Variants in GRID2 observed in about 807,000 individuals in gnomAD.
GRID2 encodes glutamate ionotropic receptor delta type subunit 2.
Under a neutral mutation model 114.8 loss-of-function variants are expected in GRID2, and 33 were observed. The ratio of observed to expected loss-of-function variants is 0.29; its 90% CI spans 0.22 to 0.38. The LOEUF (loss-of-function observed/expected upper bound fraction) is 0.38. Ranked by LOEUF, GRID2 falls within the 10% of genes least tolerant of loss-of-function variation. The pLI, the probability that GRID2 is intolerant of heterozygous loss-of-function variation, is 1.00. For missense variants in GRID2, 1,184 were observed against 1,257.7 expected (o/e 0.94, Z 0.89); for synonymous variants, 505 against 449.9 (o/e 1.12, Z -1.55).
chr4:93,485,882 A>G (rs1010174819), intron 11 of GRID2, among the ~76,000 whole-genome samples: 2 of 151,774 alleles, frequency 1.3e-5, no homozygotes, highest in Non-Finnish European at 1.5e-5. Flanking sequence ...TTACTTGTGC[A>G]CACACACATA....
chr4:93,096,487 T>C (rs1731241081), intron 3 of GRID2, among the ~76,000 whole-genome samples: 1 of 152,030 alleles, frequency 6.6e-6, no homozygotes, highest in African/African-American at 2.4e-5. Flanking sequence ...AGAATACACA[T>C]ATTTAAAAAC....
intron 2 of GRID2, among the ~76,000 whole-genome samples, chr4:92,674,562 G>T (rs945154926): frequency 1.3e-5 from 2 of 151,864 alleles, no homozygotes; most frequent in Non-Finnish European, 2.9e-5. Context: ...TTGCTCTGTT[G>T]CCCAGGCTGG....
chr4:92,745,235 T>C (rs1181841520), intron 2 of GRID2, among the ~76,000 whole-genome samples: 2 of 152,228 alleles, frequency 1.3e-5, no homozygotes, highest in African/African-American at 4.8e-5. Flanking sequence ...AGTTAAGTGA[T>C]ACTTCTTATT....
intron 8 of GRID2, among the ~76,000 whole-genome samples, chr4:93,340,457 T>A (rs1433665): frequency 0.2 from 30,313 of 151,982 alleles, 6,119 homozygotes; most frequent in African/African-American, 0.52. Context: ...AATCTTACCT[T>A]TAGGGAGCCA....
chr4:93,206,721 C>T (rs1308712257), intron 4 of GRID2, among the ~76,000 whole-genome samples: 2 of 151,712 alleles, frequency 1.3e-5, no homozygotes, highest in Admixed American at 6.6e-5. Context: ...AGAGTGCTAC[C>T]CATATATTTT....
At chr4:92,739,489 C>T (rs754302243) in intron 2 of GRID2, among the ~76,000 whole-genome samples, 2 of 151,638 alleles carry the variant, frequency 1.3e-5, no homozygotes, top group African/African-American at 2.4e-5. Context: ...TCTTTGAAAA[C>T]TTTTACCATT....
intron 2 of GRID2, among the ~76,000 whole-genome samples, chr4:93,016,484 A>G (rs1578758657): frequency 6.6e-6 from 1 of 152,164 alleles, no homozygotes; most frequent in South Asian, 2.1e-4. Context: ...GTTCTGGGCC[A>G]TGAATTTGAC....
intron 13 of GRID2, among the ~76,000 whole-genome samples, chr4:93,563,787 A>T (rs967381219): frequency 5.9e-5 from 9 of 151,994 alleles, no homozygotes; most frequent in African/African-American, 2.2e-4. Context: ...ATGTGCCATG[A>T]AGAAAAGTTT....
chr4:93,700,809 G>A (rs1321675574), intron 14 of GRID2, among the ~76,000 whole-genome samples: 3 of 152,126 alleles, frequency 2.0e-5, no homozygotes, highest in Non-Finnish European at 4.4e-5. Context: ...GGGTAGGAAG[G>A]GTGGTTTGGA....
rs1227049567 is a variant in GRID2 at position 93,773,929 on chromosome 4, T to A, written c.*1431T>A. ...CCTTTTAAAGTAGCATTCTTACTTG[T>A]TAGAAATGTAGAATGAACTTTGTTT... On this transcript the variant is annotated 3_prime_UTR_variant, in exon 16 of 16. Coordinates refer to ENST00000282020, the MANE Select transcript of GRID2 (RefSeq NM_001510.4). 1 of 152,100 alleles carries A rather than the reference T, an allele frequency of 6.6e-6. No homozygotes were observed. Among genetic ancestry groups the A allele is most frequent in the African/African-American group, 2.4e-5 (1 of 41,452 alleles). The allele number at this position is 152,100 out of a possible 1,614,324, so 9.4% of individuals were successfully genotyped here. A position where few individuals can be genotyped will look rare whatever the true frequency, so the allele number is the denominator to read the frequency against.
intron 13 of GRID2, among the ~76,000 whole-genome samples, chr4:93,619,895 A>G (rs1455630575): frequency 6.6e-6 from 1 of 152,192 alleles, no homozygotes; most frequent in Non-Finnish European, 1.5e-5. Context: ...CAAACTCCAT[A>G]GGCTATACCT....
At chr4:93,604,868 A>G (rs1046756692) in intron 13 of GRID2, among the ~76,000 whole-genome samples, 2 of 152,242 alleles carry the variant, frequency 1.3e-5, no homozygotes, top group Admixed American at 6.5e-5. Context: ...TATAAACATG[A>G]TGCCATTGCA....
chr4:92,453,035 G>A (rs1421846423), intron 1 of GRID2, among the ~76,000 whole-genome samples: 1 of 151,720 alleles, frequency 6.6e-6, no homozygotes, highest in African/African-American at 2.4e-5. Context: ...TTATGAATAT[G>A]TGGCATTTGT....
chr4:92,496,802 T>C (rs1473300138), intron 1 of GRID2, among the ~76,000 whole-genome samples: 1 of 151,744 alleles, frequency 6.6e-6, no homozygotes, highest in South Asian at 2.1e-4. Context: ...AAGGGACATA[T>C]ATTCACACCA....
At chr4:92,864,598 A>G (rs1296109809) in intron 2 of GRID2, among the ~76,000 whole-genome samples, 2 of 152,206 alleles carry the variant, frequency 1.3e-5, no homozygotes, top group African/African-American at 4.8e-5. Context: ...GCAGATATGA[A>G]CTACATAAAC....
At chr4:92,955,600 T>C (rs1009603066) in intron 2 of GRID2, among the ~76,000 whole-genome samples, 31 of 152,178 alleles carry the variant, frequency 2.0e-4, no homozygotes, top group Non-Finnish European at 4.1e-4. Flanking sequence ...TCTTTTGCTG[T>C]GCAGAAGCTC....
At chr4:93,203,775 T>C (rs1321899019) in intron 4 of GRID2, among the ~76,000 whole-genome samples, 1 of 151,976 alleles carries the variant, frequency 6.6e-6, no homozygotes, top group African/African-American at 2.4e-5. Context: ...GAAAGGGGAG[T>C]CTGCTCCATG....
chr4:93,737,281 A>G (rs1476151219), intron 14 of GRID2, among the ~76,000 whole-genome samples: 1 of 152,120 alleles, frequency 6.6e-6, no homozygotes, highest in Non-Finnish European at 1.5e-5. Context: ...TTAAGATATC[A>G]AAGATTTCGT....
intron 2 of GRID2, among the ~76,000 whole-genome samples, chr4:92,713,519 T>TATATATATATATATATA (rs1464081862): frequency 6.1e-5 from 5 of 81,342 alleles, no homozygotes; most frequent in Non-Finnish European, 1.3e-4. Context: ...ATATATATAT[T>TATATATATATATATATA]ACCAAAATTA....
Sources: allele counts gnomAD v4.1 joint callset (sites outside exome capture counted in the v4.1 genomes callset), GRCh38; gene constraint gnomAD v4.1.1; transcripts MANE v1.5; gene names NCBI Gene and HGNC (gene_info 2026-07-23, HGNC 2026-07-21).